Variants in CACNB2 observed in about 807,000 individuals in gnomAD.
The protein encoded by CACNB2 is calcium voltage-gated channel auxiliary subunit beta 2, also known as voltage-dependent L-type calcium channel subunit beta-2.
A neutral mutation model predicts 73.3 loss-of-function variants in CACNB2; 42 were observed. The observed-to-expected ratio is 0.57, with a 90% CI of 0.45 to 0.74. CACNB2 has a LOEUF of 0.74. Among genes scored for constraint, CACNB2 ranks in the 30% least tolerant of loss-of-function variants. The pLI, the probability that CACNB2 is intolerant of heterozygous loss-of-function variation, is 0.00. For missense variants in CACNB2, 940 were observed against 853.0 expected, an observed-to-expected ratio of 1.10 and a Z score of -1.27; for synonymous variants, 348 against 310.3, an observed-to-expected ratio of 1.12 and a Z score of -1.28.
At chr10:18,321,438 G>GA (rs1024710596) in intron 2 of CACNB2, among the ~76,000 whole-genome samples, 20 of 150,672 alleles carry the variant, frequency 1.3e-4, no homozygotes, top group African/African-American at 2.4e-4. Flanking sequence ...TTGCTAGTGG[G>GA]AAAAAAAAAT....
At position 18,361,893 on chromosome 10, in the gene CACNB2, G is replaced by A. The variant is rs144109908; in HGVS notation, c.214-40031G>A. Among the ~76,000 whole-genome samples the A allele has an allele frequency of 3.6e-3, 542 of 152,224 alleles. 4 individuals carry two copies. The highest frequency in any genetic ancestry group is 0.012 in the African/African-American group (515 of 41,534). Reference sequence around the variant, plus strand: ...CTCCCAAAGTGCTGGGATTACAGGCGTGAGCCACCACACCCAGCCTAAGGT... The same window carrying A: ...CTCCCAAAGTGCTGGGATTACAGGCATGAGCCACCACACCCAGCCTAAGGT... On this transcript the variant is annotated intron_variant, in intron 2 of 13. Coordinates refer to ENST00000324631, the MANE Select transcript of CACNB2 (RefSeq NM_201596.3).
intron 3 of CACNB2, among the ~76,000 whole-genome samples, chr10:18,447,879 C>T (rs1434105384): frequency 2.0e-5 from 3 of 152,012 alleles, no homozygotes; most frequent in Admixed American, 1.3e-4. Context: ...AATTCTTTGC[C>T]TCCAAACCCG....
At chr10:18,361,002 A>G (rs1281233888) in intron 2 of CACNB2, among the ~76,000 whole-genome samples, 3 of 151,572 alleles carry the variant, frequency 2.0e-5, no homozygotes, top group Admixed American at 1.3e-4. Flanking sequence ...TCCCTCCTTC[A>G]TCTCATTGTG....
At chr10:18,297,051 TC>T (rs1161427185) in intron 2 of CACNB2, among the ~76,000 whole-genome samples, 2 of 152,248 alleles carry the variant, frequency 1.3e-5, no homozygotes, top group African/African-American at 4.8e-5. Context: ...AATCGTTTCC[TC>T]CTTTTGTCTG....
chr10:18,535,348 T>G (rs2053457787), intron 11 of CACNB2, among the ~76,000 whole-genome samples: 1 of 152,314 alleles, frequency 6.6e-6, no homozygotes, highest in South Asian at 2.1e-4. Flanking sequence ...TTGGATTTTC[T>G]TCACGTATTT....
intron 2 of CACNB2, among the ~76,000 whole-genome samples, chr10:18,344,066 C>CA (rs57533459): frequency 0.072 from 7,905 of 109,388 alleles, 308 homozygotes; most frequent in African/African-American, 0.14. Flanking sequence ...AAGCATTTAT[C>CA]AAAAAAAAAA....
chr10:18,202,011 G>A (rs570561309), intron 2 of CACNB2, among the ~76,000 whole-genome samples: 27 of 152,282 alleles, frequency 1.8e-4, no homozygotes, highest in African/African-American at 5.8e-4. Context: ...GGAAGAAAAT[G>A]AGTAAGATTC....
chr10:18,148,070 A>G (rs2031166224), intron 1 of CACNB2, among the ~76,000 whole-genome samples: 1 of 149,818 alleles, frequency 6.7e-6, no homozygotes, highest in Non-Finnish European at 1.5e-5. Flanking sequence ...ATAACTGGTC[A>G]GTAAGTAATC....
intron 2 of CACNB2, among the ~76,000 whole-genome samples, chr10:18,180,216 G>C (rs192093186): frequency 1.3e-5 from 2 of 152,246 alleles, no homozygotes; most frequent in Admixed American, 1.3e-4. Context: ...AACTGTAGCA[G>C]GCTGGAGGGG....
At chr10:18,507,155 G>C (rs903268928) in intron 6 of CACNB2, among the ~76,000 whole-genome samples, 1 of 152,170 alleles carries the variant, frequency 6.6e-6, no homozygotes, top group African/African-American at 2.4e-5. Context: ...CAGTAAATGG[G>C]TGAATACTTG....
intron 5 of CACNB2, among the ~76,000 whole-genome samples, chr10:18,502,881 A>G (rs967301097): frequency 8.5e-5 from 13 of 152,122 alleles, no homozygotes; most frequent in African/African-American, 2.7e-4. Context: ...TCTGGGTGAC[A>G]AAATAATCTG....
intron 2 of CACNB2, among the ~76,000 whole-genome samples, chr10:18,387,760 CT>C (rs768014226): frequency 0.012 from 1,735 of 144,386 alleles, 10 homozygotes; most frequent in African/African-American, 0.025. Flanking sequence ...TTCTTTCTCT[CT>C]TTTTTTTTTT....
intron 3 of CACNB2, among the ~76,000 whole-genome samples, chr10:18,481,192 CTATATATATATA>C (rs145814788): frequency 0.018 from 644 of 36,656 alleles, 11 homozygotes; most frequent in Non-Finnish European, 0.02. Flanking sequence ...TACATCTTCG[CTATATATATATA>C]TATATATATA....
At chr10:18,150,853 G>GTTTTTTTTT (rs756678637) in intron 1 of CACNB2, 30 bp from the exon 2 acceptor site, 6 of 655,468 alleles carry the variant, frequency 9.2e-6, no homozygotes, top group African/African-American at 4.2e-5. Flanking sequence ...AATCTTATTT[G>GTTTTTTTTT]TCTTTTTTTT....
chr10:18,167,859 A>C (rs1170892260), intron 2 of CACNB2, among the ~76,000 whole-genome samples: 2 of 152,190 alleles, frequency 1.3e-5, no homozygotes, highest in African/African-American at 4.8e-5. Context: ...ATATTCAAGC[A>C]ATTTTACAGC....
chr10:18,492,634 A>AAG (rs1014784205), intron 3 of CACNB2, among the ~76,000 whole-genome samples: 1 of 130,222 alleles, frequency 7.7e-6, no homozygotes, highest in African/African-American at 3.9e-5. Context: ...AAAAAAAAAA[A>AAG]AAAAGAAAAA....
chr10:18,383,799 G>A (rs2043114501), intron 2 of CACNB2, among the ~76,000 whole-genome samples: 1 of 152,070 alleles, frequency 6.6e-6, no homozygotes, highest in Non-Finnish European at 1.5e-5. Context: ...TCCGCTTCCC[G>A]GATTCAAGCG....
At chr10:18,401,453 A>G (rs1478124155) in intron 2 of CACNB2, among the ~76,000 whole-genome samples, 1 of 152,204 alleles carries the variant, frequency 6.6e-6, no homozygotes, top group East Asian at 1.9e-4. Flanking sequence ...GCTTTTTCAG[A>G]TTAAAGTGGG....
At chr10:18,328,679 C>T (rs1267577530) in intron 2 of CACNB2, among the ~76,000 whole-genome samples, 1 of 152,182 alleles carries the variant, frequency 6.6e-6, no homozygotes, top group Non-Finnish European at 1.5e-5. Flanking sequence ...GCAAGACATT[C>T]ATCCTAAAGA....
Sources: allele counts gnomAD v4.1 joint callset (sites outside exome capture counted in the v4.1 genomes callset), GRCh38; gene constraint gnomAD v4.1.1; transcripts MANE v1.5; gene names NCBI Gene and HGNC (gene_info 2026-07-23, HGNC 2026-07-21).